Variants in SLC7A2 observed in about 807,000 individuals in gnomAD.
SLC7A2 encodes cationic amino acid transporter 2.
A neutral mutation model predicts 58.9 loss-of-function variants in SLC7A2; 48 were observed. The observed-to-expected ratio is 0.82, with a 90% CI of 0.65 to 1.04. SLC7A2 has a LOEUF of 1.04. Among genes scored for constraint, SLC7A2 ranks in the 50% least tolerant of loss-of-function variants. SLC7A2 has a pLI of 0.00. For synonymous variants in SLC7A2, 363 were observed against 314.5 expected (o/e 1.15, Z -1.63); for missense variants, 1,029 against 818.8 (o/e 1.26, Z -3.13).
chr8:17,551,888 C>G lies in SLC7A2; in HGVS notation c.957C>G (p.Leu319=). The change falls in exon 7 of 13, where the codon CTC becomes CTG. Residue 319 remains leucine, a synonymous_variant. Coordinates refer to ENST00000494857, the MANE Select transcript of SLC7A2 (RefSeq NM_001370338.1). ...CACTTATGATGCCGTACTACCTCCT[C>G]GATGAAAAAAGCCCCCTTCCTGTAG... ...ALTLMMPYYL[L]DEKSPLPVAF... 1 of 1,613,840 alleles carries G rather than the reference C, an allele frequency of 6.2e-7. No homozygotes were observed. Among genetic ancestry groups the G allele is most frequent in the Non-Finnish European group, 8.5e-7 (1 of 1,179,984 alleles).
chr8:17,562,511 T>C (rs1209880929), intron 11 of SLC7A2, among the ~76,000 whole-genome samples: 1 of 152,032 alleles, frequency 6.6e-6, no homozygotes, highest in Non-Finnish European at 1.5e-5. Flanking sequence ...TGCTTATTTT[T>C]GTATTTTTCT....
intron 2 of SLC7A2, among the ~76,000 whole-genome samples, chr8:17,523,693 A>G (rs1801107340): frequency 6.6e-6 from 1 of 152,184 alleles, no homozygotes; most frequent in Admixed American, 6.5e-5. Flanking sequence ...CCTTCTAGAC[A>G]TTGGCTTAGG....
rs553913108 is a variant in SLC7A2, at chr8:17,544,305, G to A, written c.377-146G>A. ...TGGATTTGAACATTTGATGACTACT[G>A]TATGATTATAAATATCCAGATACTG... On this transcript the variant is annotated intron_variant, in intron 3 of 12. Coordinates refer to ENST00000494857, the MANE Select transcript of SLC7A2 (RefSeq NM_001370338.1). The A allele has an allele frequency of 1.9e-5, 11 of 575,514 alleles. 1 individual carries two copies. In the South Asian group the frequency reaches 2.9e-4, roughly 15 times the overall value. 35.7% of individuals were successfully genotyped at this position (575,514 alleles called of 1,614,324 possible). A position where few individuals can be genotyped will look rare whatever the true frequency, so the allele number is the denominator to read the frequency against.
In SLC7A2 at chr8:17,497,241, A is replaced by T. The variant is rs1413256587; in HGVS notation, c.-69+4A>T. The T allele has an allele frequency of 6.6e-6, 1 of 151,692 alleles. No homozygotes were observed. Among genetic ancestry groups the T allele is most frequent in the Non-Finnish European group, 1.5e-5 (1 of 67,856 alleles). 9.4% of individuals were successfully genotyped at this position (151,692 alleles called of 1,614,324 possible). A position where few individuals can be genotyped will look rare whatever the true frequency, so the allele number is the denominator to read the frequency against. On this transcript the variant is annotated splice_donor_region_variant and intron_variant, in intron 1 of 12. Transcript: ENST00000494857. ...GCGCGACCCCAACCCAGCCCCAGTA[A>T]GTTGCTAGGTCTCCAGCCCCGCCGA... is the stretch of plus-strand genomic sequence containing the variant.
intron 2 of SLC7A2, among the ~76,000 whole-genome samples, chr8:17,512,569 C>A (rs1800648973): frequency 6.6e-6 from 1 of 151,966 alleles, no homozygotes. Context: ...CACATAGAAC[C>A]CCAAGTGGAG....
intron 2 of SLC7A2, among the ~76,000 whole-genome samples, chr8:17,531,080 C>T (rs985691858): frequency 2.0e-5 from 3 of 152,120 alleles, no homozygotes; most frequent in Non-Finnish European, 2.9e-5. Flanking sequence ...AAAGTCAGGG[C>T]TGGGAGATAA....
intron 2 of SLC7A2, among the ~76,000 whole-genome samples, chr8:17,502,512 C>G (rs1458717622): frequency 6.6e-6 from 1 of 152,132 alleles, no homozygotes; most frequent in Non-Finnish European, 1.5e-5. Context: ...GACTTCAATT[C>G]CTATAAGATA....
At chr8:17,563,518 C>A in intron 11 of SLC7A2, 85 bp from the exon 12 acceptor site, 1 of 808,714 alleles carries the variant, frequency 1.2e-6, no homozygotes, top group Non-Finnish European at 2.1e-6. Context: ...GTATATATGC[C>A]AAATTAATTG....
At chr8:17,511,061 G>C (rs1312471198) in intron 2 of SLC7A2, 2 of 151,958 alleles carry the variant, frequency 1.3e-5, no homozygotes, top group Non-Finnish European at 2.9e-5. Context: ...GAGAACACTT[G>C]GATACGTGGA....
At chr8:17,526,448 G>A (rs1801226457) in intron 2 of SLC7A2, among the ~76,000 whole-genome samples, 1 of 152,138 alleles carries the variant, frequency 6.6e-6, no homozygotes. Flanking sequence ...CAGGACGCAT[G>A]ATGGAAAAGG....
chr8:17,516,346 C>A (rs531891300), intron 2 of SLC7A2, among the ~76,000 whole-genome samples: 3 of 152,256 alleles, frequency 2.0e-5, no homozygotes, highest in Non-Finnish European at 4.4e-5. Context: ...CTGCCTCAGC[C>A]TCCCAAGTAG....
At chr8:17,544,751 T>C (rs1463548048) in intron 4 of SLC7A2, 145 bp downstream of exon 4, 2 of 678,404 alleles carry the variant, frequency 2.9e-6, no homozygotes, top group Non-Finnish European at 2.4e-6. Flanking sequence ...ATCTGTGGGG[T>C]TTATCACTGG....
chr8:17,535,692 A>G (rs1413738574), intron 2 of SLC7A2, among the ~76,000 whole-genome samples: 1 of 152,046 alleles, frequency 6.6e-6, no homozygotes, highest in Non-Finnish European at 1.5e-5. Flanking sequence ...CACTTGAGGT[A>G]GGGAGTTCGA....
At chr8:17,499,829 C>T (rs542142780) in intron 1 of SLC7A2, among the ~76,000 whole-genome samples, 1 of 152,060 alleles carries the variant, frequency 6.6e-6, no homozygotes, top group Admixed American at 6.5e-5. Flanking sequence ...ATAGATACAA[C>T]CTTGAATGAC....
chr8:17,509,814 C>A (rs888839945), intron 2 of SLC7A2, among the ~76,000 whole-genome samples: 1 of 152,020 alleles, frequency 6.6e-6, no homozygotes, highest in African/African-American at 2.4e-5. Flanking sequence ...ACATGATATG[C>A]AGTATGAATA....
intron 2 of SLC7A2, among the ~76,000 whole-genome samples, chr8:17,530,516 G>T (rs1162539973): frequency 6.6e-6 from 1 of 152,116 alleles, no homozygotes; most frequent in East Asian, 1.9e-4. Context: ...GGAAACCCAG[G>T]CAAGTTGCTG....
rs147026123 is a variant in SLC7A2, at chr8:17,515,573, G to A, written c.-23+13271G>A. Among the ~76,000 whole-genome samples the A allele has an allele frequency of 6.2e-4, 95 of 152,268 alleles. 1 individual carries two copies. Among genetic ancestry groups the A allele is most frequent in the African/African-American group, 2.2e-3 (91 of 41,558 alleles). ...CTCCCATACTGCTGGGATTACAGGC[G>A]TGAGCCACTGTGCCCTGCCTGATTG... On this transcript the variant is annotated intron_variant, in intron 2 of 12. Transcript: ENST00000494857.
chr8:17,494,906 C>T (rs1448223595), upstream of SLC7A2, among the ~76,000 whole-genome samples: 1 of 152,188 alleles, frequency 6.6e-6, no homozygotes. Flanking sequence ...CACACATGAA[C>T]ACAGCACGTT....
intron 1 of SLC7A2, among the ~76,000 whole-genome samples, chr8:17,497,691 C>T (rs1285377516): frequency 6.6e-6 from 1 of 152,228 alleles, no homozygotes; most frequent in Non-Finnish European, 1.5e-5. Flanking sequence ...CCCGAAGCCG[C>T]CTTCGCTCCT....
Sources: allele counts gnomAD v4.1 joint callset (sites outside exome capture counted in the v4.1 genomes callset), GRCh38; gene constraint gnomAD v4.1.1; transcripts MANE v1.5; gene names NCBI Gene and HGNC (gene_info 2026-07-23, HGNC 2026-07-21).